The following SPG11 variants were observed in gnomAD, a reference collection of about 807,000 sequenced individuals.
SPG11 encodes the protein spatacsin.
A neutral mutation model predicts 274.0 loss-of-function variants in SPG11; 222 were observed. That is an observed-to-expected ratio of 0.81 (90% CI 0.73 to 0.91). The LOEUF (loss-of-function observed/expected upper bound fraction) is 0.91, where lower values mean the gene tolerates loss of function less well. Ranked by LOEUF, SPG11 falls within the 40% of genes least tolerant of loss-of-function variation. The pLI is 0.00. For synonymous variants in SPG11, 1,144 were observed against 1,039.7 expected (o/e 1.10, Z -1.93); for missense variants, 3,114 against 2,872.7 (o/e 1.08, Z -1.92).
Position 44,572,755 on chromosome 15 carries a change from G to A in SPG11, c.6271C>T (p.Gln2091Ter). 2 of 1,614,082 alleles carry A rather than the reference G, an allele frequency of 1.2e-6. No individual in the cohort carries two copies. Among genetic ancestry groups the A allele is most frequent in the Non-Finnish European group, 1.7e-6 (2 of 1,179,964 alleles). Residue 2091 changes from glutamine to a stop codon, truncating the protein, a stop_gained, in exon 33 of 40, where the codon CAA (glutamine) becomes TAA (stop). Coordinates refer to ENST00000261866, the MANE Select transcript of SPG11 (RefSeq NM_025137.4). LOFTEE classifies it high-confidence loss of function. The stretch of plus-strand genomic sequence containing the variant: ...TTCATGCCTACCAATGTGCGGTCTT[G>A]ACACAGAGTGGTCAGCTGAAGAAAT... Reference protein sequence around the residue: ...QTFLQLTTLCQDRTLVGMKLL... With the variant: ...QTFLQLTTLC
Position 44,596,282 on chromosome 15 carries a change from G to C in SPG11, c.4235C>G (p.Ser1412Ter), listed in dbSNP as rs2083036183. ...GCTGTCCATTTTGGAGGTGGGCACTGAGGGCAAGTTCTCAAAAGCCAGCCT... is the reference window on the plus strand; with the variant it reads ...GCTGTCCATTTTGGAGGTGGGCACTCAGGGCAAGTTCTCAAAAGCCAGCCT... ...HLRLAFENLP[S>*]VPTSKMDSDQ... Residue 1412 changes from serine (S) to a stop codon, truncating the protein, a stop_gained, in exon 25 of 40, where the codon TCA (serine) becomes TGA (stop). Coordinates refer to ENST00000261866, the MANE Select transcript of SPG11 (RefSeq NM_025137.4). LOFTEE classifies it high-confidence loss of function. 3.7e-6 allele frequency: 6 copies of C among 1,614,182 alleles called. No homozygotes were observed. The highest frequency in any genetic ancestry group is 5.1e-6 in the Non-Finnish European group (6 of 1,180,024).
chr15:44,582,641 A>G (rs1022364838), intron 30 of SPG11, among the ~76,000 whole-genome samples: 1 of 152,204 alleles, frequency 6.6e-6, no homozygotes, highest in Non-Finnish European at 1.5e-5. Context: ...AATTGATTCC[A>G]GCAAAAAATC....
At position 44,565,880 on chromosome 15, in the gene SPG11, TAC is replaced by T. The variant is rs780301639; in HGVS notation, c.6971_6972del (p.Cys2324TyrfsTer15). 1.9e-6 allele frequency: 3 copies of T among 1,614,140 alleles called. No homozygotes were observed. The South Asian group carries it at 3.3e-5, about 18-fold the overall frequency. ...TGGTAGAACCGAGGTAGGGCCAGAA[TAC>T]AGTCCATCAGCTTGTGGCGGCCCAA... ...INLGRHKLMD[C>X]ILALPRFYQA... On this transcript the variant is annotated frameshift_variant, in exon 38 of 40. Coordinates refer to ENST00000261866, the MANE Select transcript of SPG11 (RefSeq NM_025137.4). LOFTEE classifies it high-confidence loss of function.
intron 32 of SPG11, 38 bp downstream of exon 32, chr15:44,573,509 C>G: frequency 6.2e-7 from 1 of 1,605,886 alleles, no homozygotes; most frequent in Non-Finnish European, 8.5e-7. Flanking sequence ...CTAGAGAATG[C>G]TGTCAGAGAG....
intron 8 of SPG11, among the ~76,000 whole-genome samples, chr15:44,632,517 ATTTT>A (rs544008892): frequency 7.0e-6 from 1 of 142,734 alleles, no homozygotes; most frequent in Non-Finnish European, 1.5e-5. Flanking sequence ...GTCTGGGTGA[ATTTT>A]TTTTTTTTTT....
At chr15:44,570,341 G>A (rs747333917) in intron 34 of SPG11, among the ~76,000 whole-genome samples, 184 bp downstream of exon 34, 2 of 152,172 alleles carry the variant, frequency 1.3e-5, no homozygotes, top group Non-Finnish European at 2.9e-5. Flanking sequence ...AGCAACCTCT[G>A]ATTCTGACAG....
intron 7 of SPG11, among the ~76,000 whole-genome samples, chr15:44,646,242 A>G (rs2084606836): frequency 6.6e-6 from 1 of 152,210 alleles, no homozygotes; most frequent in Admixed American, 6.5e-5. Flanking sequence ...AATGCCCATG[A>G]TTGGCATTTA....
At chr15:44,648,218 A>G (rs528872265) in intron 7 of SPG11, among the ~76,000 whole-genome samples, 35 of 152,304 alleles carry the variant, frequency 2.3e-4, no homozygotes, top group African/African-American at 8.2e-4. Context: ...GTTGGATCAG[A>G]ATAGTAGGAA....
chr15:44,598,794 G>C lies in SPG11; in HGVS notation c.3729C>G (p.Ser1243=). 1.2e-6 allele frequency: 2 copies of C among 1,614,202 alleles called. No individual in the cohort carries two copies. The highest frequency in any genetic ancestry group is 1.7e-6 in the Non-Finnish European group (2 of 1,180,038). Residue 1243 remains serine, a synonymous_variant, in exon 22 of 40, where the codon TCC becomes TCG. Transcript: ENST00000261866. ...CTCCTATTGAAGGTATGTGGAAGGA[G>C]GAGAGCCCTATAACATAGGCTTCAT... ...VGNEAYVIGL[S]SFHIPSIGAA... is the part of the protein sequence containing the mutation.
chr15:44,645,864 T>C (rs1265802689), intron 7 of SPG11, among the ~76,000 whole-genome samples: 2 of 151,992 alleles, frequency 1.3e-5, no homozygotes, highest in Non-Finnish European at 1.5e-5. Flanking sequence ...ACATAACCAA[T>C]AAGCATATGA....
At chr15:44,614,926 CGTGT>C (rs768730552) in intron 16 of SPG11, among the ~76,000 whole-genome samples, 1 of 151,998 alleles carries the variant, frequency 6.6e-6, no homozygotes, top group Non-Finnish European at 1.5e-5. Context: ...TTTCTCTGTG[CGTGT>C]GTGTGTCTAT....
intron 14 of SPG11, chr15:44,620,999 A>G (rs2083731346): frequency 6.5e-6 from 1 of 154,014 alleles, no homozygotes; most frequent in African/African-American, 2.4e-5. Flanking sequence ...CCACCCAGGT[A>G]TTTTAAAAAA....
intron 30 of SPG11, among the ~76,000 whole-genome samples, chr15:44,576,009 G>A (rs1469800731): frequency 1.3e-5 from 2 of 151,820 alleles, no homozygotes; most frequent in South Asian, 2.1e-4. Flanking sequence ...GGGTGTGGTG[G>A]CGCATGCCTG....
Position 44,610,913 on chromosome 15 carries a change from C to G in SPG11, c.3218G>C (p.Ser1073Thr), listed in dbSNP as rs1363666508. The G allele has an allele frequency of 1.2e-5, 20 of 1,613,728 alleles. No homozygotes were observed. The highest frequency in any genetic ancestry group is 1.6e-5 in the Non-Finnish European group (19 of 1,179,894). The change falls in exon 18 of 40, where the codon AGC becomes ACC. Residue 1073 changes from serine to threonine, a missense_variant. By Grantham distance (58) the Ser-to-Thr change is moderately conservative (BLOSUM62 1). Coordinates refer to ENST00000261866, the MANE Select transcript of SPG11 (RefSeq NM_025137.4). ...GGTATGTCCTTCCAATAGCATACTG[C>G]TTACACTGGCCTGATTGGTGGGAAT... ...ILIPTNQASV[S>T]SMLLEGHTLL...
chr15:44,633,432 C>A, intron 8 of SPG11, 73 bp downstream of exon 8: 6 of 1,124,104 alleles, frequency 5.3e-6, no homozygotes, highest in South Asian at 1.5e-5. Context: ...TCAGAAAACA[C>A]AACATCATAC....
intron 30 of SPG11, among the ~76,000 whole-genome samples, chr15:44,575,576 C>A (rs1318736929): frequency 6.6e-6 from 1 of 150,690 alleles, no homozygotes; most frequent in Non-Finnish European, 1.5e-5. Context: ...CTCACTGCAA[C>A]CTCTGCCTCC....
intron 1 of SPG11, among the ~76,000 whole-genome samples, chr15:44,661,076 ACT>A (rs1246464652): frequency 2.0e-5 from 3 of 151,744 alleles, no homozygotes; most frequent in Non-Finnish European, 4.4e-5. Flanking sequence ...ATCTTGAAAA[ACT>A]CTGCCTAATA....
At chr15:44,621,605 A>G in intron 14 of SPG11, 154 bp downstream of exon 14, 1 of 735,724 alleles carries the variant, frequency 1.4e-6, no homozygotes, top group Non-Finnish European at 2.3e-6. Context: ...TGAGATAAGA[A>G]AGAGATCTTA....
chr15:44,615,285 A>G, intron 16 of SPG11, 78 bp downstream of exon 16: 2 of 1,383,436 alleles, frequency 1.4e-6, no homozygotes, highest in Admixed American at 1.7e-5. Flanking sequence ...CTATTTTCCT[A>G]AAAGTCACAT....
Sources: gnomAD v4.1 joint callset for allele counts (sites outside exome capture counted in the v4.1 genomes callset) on GRCh38, gnomAD v4.1.1 for gene constraint, MANE v1.5 for transcripts, NCBI Gene and HGNC (gene_info 2026-07-23, HGNC 2026-07-21) for gene names.